NDUFA12: variants seen among roughly 807,000 people sequenced by gnomAD.
NDUFA12 encodes the protein NADH:ubiquinone oxidoreductase subunit A12.
A neutral mutation model predicts 20.3 loss-of-function variants in NDUFA12; 17 were observed. The ratio of observed to expected loss-of-function variants is 0.84; its 90% CI spans 0.57 to 1.26. The LOEUF (loss-of-function observed/expected upper bound fraction) is 1.26. NDUFA12 is among the 50% of genes most tolerant of loss of function. The pLI, the probability that NDUFA12 is intolerant of heterozygous loss-of-function variation, is 0.00. For synonymous variants in NDUFA12, 72 were observed against 63.6 expected (o/e 1.13, Z -0.63); for missense variants, 191 against 183.7 (o/e 1.04, Z -0.23).
At chr12:94,980,294 G>A (rs573534678) in intron 3 of NDUFA12, among the ~76,000 whole-genome samples, 2 of 151,956 alleles carry the variant, frequency 1.3e-5, no homozygotes, top group South Asian at 2.1e-4. Context: ...CTACCAACCC[G>A]CCCTTCTACA....
chr12:94,989,949 C>T (rs917658623), intron 3 of NDUFA12, among the ~76,000 whole-genome samples: 1 of 152,104 alleles, frequency 6.6e-6, no homozygotes, highest in Non-Finnish European at 1.5e-5. Context: ...TATAGCCTCC[C>T]AGGACCAATT....
At position 94,986,114 on chromosome 12, in the gene NDUFA12, T is replaced by TAAGC. The variant is rs1285655375; in HGVS notation, c.257+8052_257+8055dup. Reference sequence around the variant, plus strand: ...ATAAATAAATAAATAAATAAATAAATAAGCTAGTCTCAGCTACTCAGGAGG... The same window carrying TAAGC: ...ATAAATAAATAAATAAATAAATAAATAAGCAAGCTAGTCTCAGCTACTCAGGAGG... On this transcript the variant is annotated intron_variant, in intron 3 of 3. Coordinates refer to ENST00000327772, the MANE Select transcript of NDUFA12 (RefSeq NM_018838.5). Among the ~76,000 whole-genome samples the TAAGC allele has an allele frequency of 4.0e-5, 6 of 150,652 alleles. No homozygotes were observed. The South Asian group carries it at 1.1e-3, about 26-fold the overall frequency.
chr12:94,989,234 TACCACAATTATA>T (rs1348939348), intron 3 of NDUFA12, among the ~76,000 whole-genome samples: 1 of 152,196 alleles, frequency 6.6e-6, no homozygotes, highest in Non-Finnish European at 1.5e-5. Context: ...CATTTTTCAT[TACCACAATTATA>T]TAAAGGATGT....
Position 94,971,378 on chromosome 12 carries a change from G to T in NDUFA12, c.*62C>A. 1 of 1,513,902 alleles carries T rather than the reference G, an allele frequency of 6.6e-7. No individual in the cohort carries two copies. The highest frequency in any genetic ancestry group is 9.2e-7 in the Non-Finnish European group (1 of 1,089,540). 93.8% of individuals were successfully genotyped at this position (1,513,902 alleles called of 1,614,324 possible). A position where few individuals can be genotyped will look rare whatever the true frequency, so the allele number is the denominator to read the frequency against. ...TGTGAATTATAGTGAATGGTAAACA[G>T]TAAAAGAGTAATTACATGAAAAGCT... On this transcript the variant is annotated 3_prime_UTR_variant, in exon 4 of 4. Transcript: ENST00000327772.
At chr12:94,978,080 G>A (rs1279261845) in intron 3 of NDUFA12, among the ~76,000 whole-genome samples, 2 of 152,230 alleles carry the variant, frequency 1.3e-5, no homozygotes, top group Non-Finnish European at 2.9e-5. Context: ...CAACAGGGCT[G>A]TGACTAGGAC....
chr12:95,001,920 C>T (rs572825084), intron 2 of NDUFA12, among the ~76,000 whole-genome samples: 50 of 151,774 alleles, frequency 3.3e-4, no homozygotes, highest in African/African-American at 1.2e-3. Context: ...GGGCAGGATG[C>T]TCTCGATCTC....
At position 94,982,977 on chromosome 12, in the gene NDUFA12, A is replaced by G. The variant is rs1034304129; in HGVS notation, c.257+11193T>C. On this transcript the variant is annotated intron_variant, in intron 3 of 3. Coordinates refer to ENST00000327772, the MANE Select transcript of NDUFA12 (RefSeq NM_018838.5). Reference sequence around the variant, plus strand: ...ATCAAACCAAAATCCTATCTCCAGCATCAATCTCTAGCCTAACCAACAGGC... The same window carrying G: ...ATCAAACCAAAATCCTATCTCCAGCGTCAATCTCTAGCCTAACCAACAGGC... Among the ~76,000 whole-genome samples, 7 of 152,148 alleles carry G rather than the reference A, an allele frequency of 4.6e-5. No individual in the cohort carries two copies. The East Asian group carries it at 7.7e-4, about 17-fold the overall frequency.
chr12:94,976,292 T>G (rs1353312748), intron 3 of NDUFA12, among the ~76,000 whole-genome samples: 1 of 152,160 alleles, frequency 6.6e-6, no homozygotes, highest in East Asian at 1.9e-4. Flanking sequence ...CCCAGGCTAC[T>G]TCTTCAAAAA....
intron 3 of NDUFA12, among the ~76,000 whole-genome samples, chr12:94,978,816 A>G (rs1198234418): frequency 2.0e-5 from 3 of 152,224 alleles, no homozygotes; most frequent in Admixed American, 2.0e-4. Context: ...CAACTATAAT[A>G]AATAGTATAT....
At chr12:94,973,946 C>T (rs7304912) in intron 3 of NDUFA12, among the ~76,000 whole-genome samples, 49,680 of 145,782 alleles carry the variant, frequency 0.34, 8,575 homozygotes, top group East Asian at 0.42. Flanking sequence ...GAGAGTTTTA[C>T]TTGCAAAACA....
intron 3 of NDUFA12, among the ~76,000 whole-genome samples, chr12:94,979,088 A>C (rs1874150216): frequency 6.6e-6 from 1 of 152,198 alleles, no homozygotes; most frequent in Admixed American, 6.5e-5. Context: ...TGTGGTCTTT[A>C]AAAAACATTC....
chr12:94,994,677 T>C (rs1469873171), intron 2 of NDUFA12, among the ~76,000 whole-genome samples: 2 of 152,230 alleles, frequency 1.3e-5, no homozygotes, highest in Non-Finnish European at 2.9e-5. Flanking sequence ...TGTCTCCACA[T>C]AAGTATTTTT....
intron 2 of NDUFA12, among the ~76,000 whole-genome samples, chr12:94,995,110 G>C (rs921350732): frequency 6.6e-6 from 1 of 152,238 alleles, no homozygotes; most frequent in Non-Finnish European, 1.5e-5. Context: ...AGGGAACACT[G>C]AATCCATTCA....
At chr12:94,992,855 C>T (rs1481154121) in intron 3 of NDUFA12, among the ~76,000 whole-genome samples, 1 of 152,100 alleles carries the variant, frequency 6.6e-6, no homozygotes, top group Non-Finnish European at 1.5e-5. Flanking sequence ...CAGAGACTAG[C>T]CACCCTCGTT....
intron 3 of NDUFA12, among the ~76,000 whole-genome samples, chr12:94,988,533 A>G (rs908506854): frequency 7.2e-5 from 11 of 152,206 alleles, no homozygotes; most frequent in Admixed American, 6.5e-4. Flanking sequence ...ACCATGGCTT[A>G]CTGAAAGATT....
intron 3 of NDUFA12, among the ~76,000 whole-genome samples, chr12:94,979,206 T>G (rs1384124328): frequency 6.6e-6 from 1 of 152,004 alleles, no homozygotes; most frequent in Non-Finnish European, 1.5e-5. Context: ...GCTCCTGTAC[T>G]CCATCCTCGG....
At chr12:94,984,708 A>C in intron 3 of NDUFA12, among the ~76,000 whole-genome samples, 1 of 112,996 alleles carries the variant, frequency 8.8e-6, no homozygotes, top group East Asian at 2.6e-4. Flanking sequence ...CTCTAATGCT[A>C]ATAGCCAAAA....
chr12:95,002,896 G>A (rs1430327896), intron 1 of NDUFA12, 75 bp from the exon 2 acceptor site: 5 of 1,269,488 alleles, frequency 3.9e-6, no homozygotes, highest in South Asian at 1.2e-5. Flanking sequence ...TAAAGTGAGA[G>A]TAACAACTTT....
intron 2 of NDUFA12, among the ~76,000 whole-genome samples, chr12:95,002,437 C>CAAAAAAAAAAAAAAAAAAAAA (rs71075895): frequency 1.6e-5 from 1 of 63,622 alleles, no homozygotes; most frequent in Non-Finnish European, 2.8e-5. Flanking sequence ...GACTCCATCT[C>CAAAAAAAAAAAAAAAAAAAAA]AAAAAAAAAA....
Sources: gnomAD v4.1 joint callset for allele counts (sites outside exome capture counted in the v4.1 genomes callset) on GRCh38, gnomAD v4.1.1 for gene constraint, MANE v1.5 for transcripts, NCBI Gene and HGNC (gene_info 2026-07-23, HGNC 2026-07-21) for gene names.